CNOT2: variants seen among roughly 807,000 people sequenced by gnomAD.
The protein encoded by CNOT2 is CCR4-NOT transcription complex subunit 2, also known as CC chemokine receptor 4-negative regulator of transcription 2.
Under a neutral mutation model 72.1 loss-of-function variants are expected in CNOT2, and 7 were observed. The observed-to-expected ratio is 0.10, with a 90% CI of 0.06 to 0.18. The LOEUF is 0.18. Ranked by LOEUF, CNOT2 falls within the 10% of genes least tolerant of loss-of-function variation. CNOT2 has a pLI of 1.00. For missense variants in CNOT2, 345 were observed against 660.3 expected (o/e 0.52, Z 5.23); for synonymous variants, 196 against 225.6 (o/e 0.87, Z 1.17).
rs548197387 is a variant in CNOT2, at chr12:70,343,366, G to A, written c.1291-762G>A. Among the ~76,000 whole-genome samples the A allele has an allele frequency of 5.3e-5, 8 of 152,250 alleles. No homozygotes were observed. In the South Asian group the frequency reaches 1.7e-3, roughly 32 times the overall value. Reference sequence around the variant, plus strand: ...AATGTTGTTTTGGGACACTTTTAAGGTTTATTTAAATGTGAAAATTTGAGA... The same window carrying A: ...AATGTTGTTTTGGGACACTTTTAAGATTTATTTAAATGTGAAAATTTGAGA... On this transcript the variant is annotated intron_variant, in intron 13 of 15. Transcript: ENST00000229195.
intron 2 of CNOT2, among the ~76,000 whole-genome samples, chr12:70,289,012 G>T (rs546651022): frequency 2.0e-5 from 3 of 148,880 alleles, no homozygotes; most frequent in African/African-American, 2.5e-5. Context: ...CTCTCCTTTC[G>T]CTTTTTTTTT....
chr12:70,248,012 T>A (rs944706943), intron 1 of CNOT2, among the ~76,000 whole-genome samples: 1 of 152,240 alleles, frequency 6.6e-6, no homozygotes, highest in African/African-American at 2.4e-5. Flanking sequence ...TAGGGAAGGA[T>A]GTTAGTAATA....
At chr12:70,303,336 T>A (rs929141788) in intron 2 of CNOT2, among the ~76,000 whole-genome samples, 1 of 152,244 alleles carries the variant, frequency 6.6e-6, no homozygotes, top group Non-Finnish European at 1.5e-5. Flanking sequence ...ATTTGGCATG[T>A]TTTTGCAGTG....
chr12:70,246,550 T>G (rs961983697), intron 1 of CNOT2, among the ~76,000 whole-genome samples: 11 of 152,304 alleles, frequency 7.2e-5, no homozygotes, highest in Admixed American at 2.0e-4. Flanking sequence ...TTCTGCTTGA[T>G]GATACAGGTG....
chr12:70,245,659 G>A (rs539601016), intron 1 of CNOT2, among the ~76,000 whole-genome samples: 12 of 152,236 alleles, frequency 7.9e-5, no homozygotes, highest in African/African-American at 2.6e-4. Flanking sequence ...TTGTGTATGA[G>A]TGATTTATAT....
intron 2 of CNOT2, among the ~76,000 whole-genome samples, chr12:70,301,375 A>T (rs375734876): frequency 6.6e-6 from 1 of 152,156 alleles, no homozygotes; most frequent in East Asian, 1.9e-4. Context: ...GATAGCTCTT[A>T]TTATTTTGAG....
intron 15 of CNOT2, 71 bp from the exon 16 acceptor site, chr12:70,353,758 A>G: frequency 1.3e-6 from 2 of 1,574,570 alleles, no homozygotes; most frequent in South Asian, 2.3e-5. Context: ...TTATTTTTAT[A>G]GTAAAATGTA....
intron 2 of CNOT2, among the ~76,000 whole-genome samples, chr12:70,281,354 A>C (rs957407806): frequency 2.6e-5 from 4 of 152,174 alleles, no homozygotes; most frequent in Non-Finnish European, 5.9e-5. Flanking sequence ...AAGTGCTGGG[A>C]TTACAGGCGT....
At chr12:70,270,248 T>A (rs1392496565) in intron 1 of CNOT2, among the ~76,000 whole-genome samples, 2 of 152,302 alleles carry the variant, frequency 1.3e-5, no homozygotes, top group East Asian at 3.9e-4. Flanking sequence ...GTATCCCCTA[T>A]AAATGGCAAG....
chr12:70,265,820 T>C (rs1048280104), intron 1 of CNOT2, among the ~76,000 whole-genome samples: 2 of 152,002 alleles, frequency 1.3e-5, no homozygotes, highest in African/African-American at 4.8e-5. Context: ...TGTTTTATTT[T>C]TGTTTTCAAT....
intron 2 of CNOT2, among the ~76,000 whole-genome samples, chr12:70,300,071 T>G (rs1419531066): frequency 1.3e-5 from 2 of 152,064 alleles, no homozygotes. Flanking sequence ...TTGATGGGGT[T>G]GTTTTTTCTT....
At chr12:70,291,296 C>A (rs1280816539) in intron 2 of CNOT2, among the ~76,000 whole-genome samples, 1 of 152,046 alleles carries the variant, frequency 6.6e-6, no homozygotes. Flanking sequence ...AAATTAAAGA[C>A]ATTATAATAA....
intron 1 of CNOT2, among the ~76,000 whole-genome samples, chr12:70,244,985 A>T (rs934227326): frequency 3.3e-5 from 5 of 152,212 alleles, no homozygotes; most frequent in Admixed American, 3.3e-4. Flanking sequence ...ATCCATTTAC[A>T]TGCAAGGTTG....
chr12:70,263,780 A>G (rs1958891019), intron 1 of CNOT2, among the ~76,000 whole-genome samples: 1 of 152,126 alleles, frequency 6.6e-6, no homozygotes, highest in African/African-American at 2.4e-5. Flanking sequence ...GAGGCTGGAC[A>G]TTTTACATGA....
chr12:70,290,529 T>C (rs1199350527), intron 2 of CNOT2, among the ~76,000 whole-genome samples: 2 of 152,162 alleles, frequency 1.3e-5, no homozygotes, highest in East Asian at 3.9e-4. Flanking sequence ...CTTTCTCTGG[T>C]CTCAAGGATT....
chr12:70,323,548 T>C (rs1878623113), intron 4 of CNOT2: 1 of 151,738 alleles, frequency 6.6e-6, no homozygotes, highest in Non-Finnish European at 1.5e-5. Flanking sequence ...AGGAAAAGAA[T>C]TTACTGATGA....
At chr12:70,267,557 T>G (rs1327004150) in intron 1 of CNOT2, among the ~76,000 whole-genome samples, 1 of 152,250 alleles carries the variant, frequency 6.6e-6, no homozygotes, top group Non-Finnish European at 1.5e-5. Flanking sequence ...GGTTAAGTCT[T>G]GAACACATCT....
rs546448348 is a variant in CNOT2, at chr12:70,261,375, C to T, written c.-95-16757C>T. On this transcript the variant is annotated intron_variant, in intron 1 of 15. Transcript: ENST00000229195. ...TGTTGCCCAGGCTGGAGTGCAGTGGCATGATCTCGGCTCACTGCAACCTCC... is the reference window on the plus strand; with the variant it reads ...TGTTGCCCAGGCTGGAGTGCAGTGGTATGATCTCGGCTCACTGCAACCTCC... 5.9e-5 allele frequency among the ~76,000 whole-genome samples: 7 copies of T among 119,544 alleles called. No individual in the cohort carries two copies. The Middle Eastern group carries it at 0.032, about 542-fold the overall frequency. 78.4% of individuals were successfully genotyped at this position (119,544 alleles called of 152,430 possible).
chr12:70,309,423 A>G (rs567156627), intron 2 of CNOT2, among the ~76,000 whole-genome samples: 44 of 152,310 alleles, frequency 2.9e-4, no homozygotes, highest in African/African-American at 1.0e-3. Flanking sequence ...AGTTTCCTAC[A>G]TATTTAACAG....
Sources: gnomAD v4.1 joint callset for allele counts (sites outside exome capture counted in the v4.1 genomes callset) on GRCh38, gnomAD v4.1.1 for gene constraint, MANE v1.5 for transcripts, NCBI Gene and HGNC (gene_info 2026-07-23, HGNC 2026-07-21) for gene names.